Variants in EPB41L3 observed in about 807,000 individuals in gnomAD.
EPB41L3 encodes the protein erythrocyte membrane protein band 4.1 like 3.
EPB41L3 carries 57 observed loss-of-function variants against 127.1 expected under a neutral mutation model. That is an observed-to-expected ratio of 0.45 (90% CI 0.36 to 0.56). The LOEUF (loss-of-function observed/expected upper bound fraction) is 0.56, where lower values mean the gene tolerates loss of function less well. Among genes scored for constraint, EPB41L3 ranks in the 20% least tolerant of loss-of-function variants. The probability of loss-of-function intolerance (pLI) is 0.00; values close to 1 mark genes in which losing one functional copy is unlikely to be tolerated. For missense variants in EPB41L3, 1,273 were observed against 1,372.2 expected, an observed-to-expected ratio of 0.93 and a Z score of 1.14; for synonymous variants, 572 against 549.5, an observed-to-expected ratio of 1.04 and a Z score of -0.57.
intron 3 of EPB41L3, among the ~76,000 whole-genome samples, chr18:5,564,982 G>A (rs531179264): frequency 3.3e-5 from 5 of 152,150 alleles, no homozygotes; most frequent in East Asian, 1.9e-4. Context: ...CAAAATAAAC[G>A]GCCACATAGC....
At chr18:5,503,940 A>C (rs1258686444) in intron 1 of EPB41L3, among the ~76,000 whole-genome samples, 1 of 152,258 alleles carries the variant, frequency 6.6e-6, no homozygotes, top group Admixed American at 6.5e-5. Context: ...TCTCTTGAGA[A>C]GAATATTAGG....
chr18:5,419,317 T>C (rs1263636332), intron 12 of EPB41L3, among the ~76,000 whole-genome samples: 1 of 152,174 alleles, frequency 6.6e-6, no homozygotes, highest in Non-Finnish European at 1.5e-5. Flanking sequence ...AATATGATAA[T>C]TGTATATCTA....
intron 1 of EPB41L3, among the ~76,000 whole-genome samples, chr18:5,530,486 C>CCTCAT (rs963638632): frequency 2.6e-5 from 4 of 152,276 alleles, no homozygotes; most frequent in African/African-American, 7.2e-5. Context: ...CTCTGCCTCA[C>CCTCAT]CCTCAGGATG....
chr18:5,572,062 T>G (rs534153163), intron 3 of EPB41L3, among the ~76,000 whole-genome samples: 1 of 152,120 alleles, frequency 6.6e-6, no homozygotes, highest in South Asian at 2.1e-4. Flanking sequence ...GAGGTCAGAG[T>G]CAGACGACAG....
rs147446176 is a variant in EPB41L3 at position 5,607,646 on chromosome 18, T to C, written c.-306+4694A>G. On this transcript the variant is annotated intron_variant, in intron 3 of 21. Transcript: ENST00000545076. ...GAAAAAAGTTAGATTCTACACAGTT[T>C]GACTTTTACTCCTAGGTTACCATCC... Among the ~76,000 whole-genome samples the C allele has an allele frequency of 4.4e-3, 670 of 152,294 alleles. 7 individuals are homozygous for C. Among genetic ancestry groups the C allele is most frequent in the African/African-American group, 0.015 (616 of 41,568 alleles).
intron 3 of EPB41L3, among the ~76,000 whole-genome samples, chr18:5,596,877 AT>A (rs1055288938): frequency 2.0e-5 from 3 of 152,118 alleles, no homozygotes; most frequent in African/African-American, 7.2e-5. Flanking sequence ...TTTAAAAATT[AT>A]TTTTAAGGAG....
At chr18:5,604,152 A>C (rs2094622215) in intron 3 of EPB41L3, among the ~76,000 whole-genome samples, 1 of 152,050 alleles carries the variant, frequency 6.6e-6, no homozygotes. Flanking sequence ...TCTGCTTGTA[A>C]TAGTATTAGA....
At chr18:5,405,083 GAC>G (rs2075148252) in intron 16 of EPB41L3, among the ~76,000 whole-genome samples, 1 of 152,166 alleles carries the variant, frequency 6.6e-6, no homozygotes, top group Non-Finnish European at 1.5e-5. Context: ...AATGGATATA[GAC>G]CTATTTCTTA....
chr18:5,611,289 G>A (rs895828083), intron 3 of EPB41L3, among the ~76,000 whole-genome samples: 2 of 152,204 alleles, frequency 1.3e-5, no homozygotes, highest in African/African-American at 2.4e-5. Context: ...TGGTATGTAC[G>A]TACAATGGAG....
Position 5,407,706 on chromosome 18 carries a change from C to A in EPB41L3, c.2152G>T (p.Ala718Ser). 1.2e-6 allele frequency: 2 copies of A among 1,613,942 alleles called. No individual in the cohort carries two copies. Among genetic ancestry groups the A allele is most frequent in the Non-Finnish European group, 1.7e-6 (2 of 1,179,934 alleles). ...TTTTATTTTTAATTTTCTACCTGTG[C>A]CTTGAGCTCTGCATCTTCCTCCTGG... The part of the protein sequence containing the change: ...SDQEEDAELK[A>S]QELEKTQDDL... Residue 718 changes from alanine to serine, a missense_variant, in exon 15 of 23, where the codon GCA (alanine) becomes TCA (serine). By Grantham distance (99) the Ala-to-Ser change is moderately conservative. This residue lies in a region of EPB41L3 where 765 missense variants were observed against 782.9 expected (regional missense o/e 0.98). Transcript: ENST00000341928.
intron 3 of EPB41L3, among the ~76,000 whole-genome samples, chr18:5,599,722 G>C (rs1277837450): frequency 6.6e-6 from 1 of 152,090 alleles, no homozygotes; most frequent in Admixed American, 6.6e-5. Flanking sequence ...ATGGTTGTAA[G>C]TTTTCTGAGG....
chr18:5,456,543 T>G (rs912702408), intron 3 of EPB41L3, among the ~76,000 whole-genome samples: 5 of 152,356 alleles, frequency 3.3e-5, no homozygotes, highest in African/African-American at 1.2e-4. Context: ...CACTTGCGCA[T>G]ATCATATTTT....
intron 5 of EPB41L3, among the ~76,000 whole-genome samples, chr18:5,440,823 G>A (rs940054361): frequency 1.4e-4 from 21 of 152,100 alleles, no homozygotes; most frequent in African/African-American, 5.1e-4. Flanking sequence ...TTAAGATCCT[G>A]CATGCTTAAA....
At chr18:5,414,202 G>C (rs1255570041) in intron 13 of EPB41L3, among the ~76,000 whole-genome samples, 1 of 152,080 alleles carries the variant, frequency 6.6e-6, no homozygotes, top group South Asian at 2.1e-4. Flanking sequence ...ATATGTTCTA[G>C]TCCAACACTA....
intron 3 of EPB41L3, among the ~76,000 whole-genome samples, chr18:5,575,506 C>G (rs994491150): frequency 1.3e-5 from 2 of 152,122 alleles, no homozygotes; most frequent in South Asian, 4.1e-4. Flanking sequence ...CGACTTCCTC[C>G]ATCATTGTAA....
intron 3 of EPB41L3, among the ~76,000 whole-genome samples, chr18:5,454,495 C>T (rs1225133930): frequency 3.3e-5 from 5 of 152,148 alleles, no homozygotes; most frequent in Non-Finnish European, 7.4e-5. Context: ...AGAGGCAGGA[C>T]TTAATGGGAT....
At chr18:5,603,645 G>A (rs1464664695) in intron 3 of EPB41L3, among the ~76,000 whole-genome samples, 1 of 152,150 alleles carries the variant, frequency 6.6e-6, no homozygotes, top group Non-Finnish European at 1.5e-5. Flanking sequence ...CACTTTGGGA[G>A]GCCAAGGCAG....
At chr18:5,561,217 T>C (rs1364005206) in intron 3 of EPB41L3, among the ~76,000 whole-genome samples, 2 of 152,062 alleles carry the variant, frequency 1.3e-5, no homozygotes, top group Non-Finnish European at 2.9e-5. Flanking sequence ...GACCTCGTGA[T>C]CCGCCCGCCT....
rs1053257084 is a variant in EPB41L3, at chr18:5,410,468, C to T, written c.2121+98G>A. The T allele has an allele frequency of 5.9e-6, 5 of 850,884 alleles. No individual in the cohort carries two copies. In the African/African-American group the frequency reaches 8.2e-5, roughly 14 times the overall value. The allele number at this position is 850,884 out of a possible 1,614,324, so 52.7% of individuals were successfully genotyped here. A position where few individuals can be genotyped will look rare whatever the true frequency, so the allele number is the denominator to read the frequency against. On this transcript the variant is annotated intron_variant, in intron 14 of 22. Coordinates refer to ENST00000341928, the MANE Select transcript of EPB41L3 (RefSeq NM_012307.5). Reference sequence around the variant, plus strand: ...AACTGTTAAAGTTAGAACTGATCTCCATTACAACAGCTCATATGTGGAGTT... The same window carrying T: ...AACTGTTAAAGTTAGAACTGATCTCTATTACAACAGCTCATATGTGGAGTT...
Sources: allele counts gnomAD v4.1 joint callset (sites outside exome capture counted in the v4.1 genomes callset), GRCh38; gene constraint gnomAD v4.1.1; regional missense constraint gnomAD v4.1.1; transcripts MANE v1.5; gene names NCBI Gene and HGNC (gene_info 2026-07-23, HGNC 2026-07-21).